Variants in SEMA6D observed in about 807,000 individuals in gnomAD.
The protein encoded by SEMA6D is semaphorin 6D.
SEMA6D carries 35 observed loss-of-function variants against 106.6 expected under a neutral mutation model. The observed-to-expected ratio is 0.33, with a 90% CI of 0.25 to 0.44. SEMA6D has a LOEUF of 0.44. Among genes scored for constraint, SEMA6D ranks in the 20% least tolerant of loss-of-function variants. The probability of loss-of-function intolerance (pLI) is 1.00; values close to 1 mark genes in which losing one functional copy is unlikely to be tolerated. For synonymous variants in SEMA6D, 499 were observed against 487.7 expected (o/e 1.02, Z -0.31); for missense variants, 1,185 against 1,345.9 (o/e 0.88, Z 1.87).
intron 1 of SEMA6D, among the ~76,000 whole-genome samples, chr15:47,271,496 T>C (rs2034562057): frequency 6.6e-6 from 1 of 152,140 alleles, no homozygotes; most frequent in Non-Finnish European, 1.5e-5. Context: ...AGTTCAACAT[T>C]ATCAGTCCAC....
chr15:47,269,535 T>G (rs1200175019), intron 1 of SEMA6D, among the ~76,000 whole-genome samples: 1 of 152,160 alleles, frequency 6.6e-6, no homozygotes, highest in Non-Finnish European at 1.5e-5. Flanking sequence ...GAGGCTATTT[T>G]TACTTTTATC....
chr15:47,545,060 A>G (rs1797227), intron 3 of SEMA6D, among the ~76,000 whole-genome samples: 75,392 of 151,874 alleles, frequency 0.5, 19,602 homozygotes, highest in East Asian at 0.72. Flanking sequence ...GCAAGATGGC[A>G]TGGGATGAGG....
intron 2 of SEMA6D, among the ~76,000 whole-genome samples, chr15:47,428,456 A>AT (rs2041420422): frequency 2.9e-5 from 1 of 34,102 alleles, no homozygotes. Flanking sequence ...ATTTAGGCGC[A>AT]GATCTACCCT....
At position 47,415,503 on chromosome 15, in the gene SEMA6D, C is replaced by T. The variant is rs148003316; in HGVS notation, c.-159+3031C>T. Reference sequence around the variant, plus strand: ...AACCCTGTGTATCTTCCTGCCCCTTCTCCTCCTCTCTACCCGCTCCCGTCT... The same window carrying T: ...AACCCTGTGTATCTTCCTGCCCCTTTTCCTCCTCTCTACCCGCTCCCGTCT... On this transcript the variant is annotated intron_variant, in intron 2 of 19. Transcript: ENST00000558014. Among the ~76,000 whole-genome samples the T allele has an allele frequency of 2.4e-4, 36 of 152,268 alleles. 1 individual carries two copies. In the East Asian group the frequency reaches 6.8e-3, roughly 29 times the overall value.
chr15:47,595,729 T>G (rs933663767), intron 3 of SEMA6D, among the ~76,000 whole-genome samples: 4 of 152,192 alleles, frequency 2.6e-5, no homozygotes, highest in Admixed American at 6.5e-5. Context: ...GAGAAAATTT[T>G]ATTGTTGATT....
rs568079162 is a variant in SEMA6D, at chr15:47,394,831, C to T, written c.-238-17562C>T. On this transcript the variant is annotated intron_variant, in intron 1 of 19. Transcript: ENST00000558014. ...GTGCAAATTACCATAAACAGCAGTCCTCTTTGACGATTTACATAATTAAAT... is the reference window on the plus strand; with the variant it reads ...GTGCAAATTACCATAAACAGCAGTCTTCTTTGACGATTTACATAATTAAAT... Among the ~76,000 whole-genome samples, 49 of 152,228 alleles carry T rather than the reference C, an allele frequency of 3.2e-4. 1 individual carries two copies. In the South Asian group the frequency reaches 9.3e-3, roughly 29 times the overall value.
chr15:47,286,411 G>A (rs1452370830), intron 1 of SEMA6D, among the ~76,000 whole-genome samples: 3 of 152,074 alleles, frequency 2.0e-5, no homozygotes, highest in African/African-American at 7.2e-5. Context: ...TATAAAATAT[G>A]TATTGATTCA....
intron 1 of SEMA6D, among the ~76,000 whole-genome samples, chr15:47,757,871 T>C (rs184496060): frequency 3.1e-4 from 47 of 152,314 alleles, no homozygotes; most frequent in Non-Finnish European, 4.7e-4. Flanking sequence ...CAGAATTTCC[T>C]ATGTGCCAGG....
chr15:47,449,433 C>A (rs955607359), intron 2 of SEMA6D, among the ~76,000 whole-genome samples: 2 of 152,002 alleles, frequency 1.3e-5, no homozygotes, highest in African/African-American at 2.4e-5. Context: ...TAGGAACTTG[C>A]TGCATTTGGC....
chr15:47,563,608 A>G (rs940399009), intron 3 of SEMA6D, among the ~76,000 whole-genome samples: 27 of 152,082 alleles, frequency 1.8e-4, no homozygotes, highest in African/African-American at 6.0e-4. Context: ...TTCTTCTTAC[A>G]TTACTCATTC....
At chr15:47,756,383 C>T (rs2081741139) in intron 1 of SEMA6D, among the ~76,000 whole-genome samples, 2 of 151,846 alleles carry the variant, frequency 1.3e-5, no homozygotes, top group Non-Finnish European at 1.5e-5. Context: ...CCAGAATAGA[C>T]ATGATGATAT....
At chr15:47,216,183 A>G (rs1211842611) in intron 1 of SEMA6D, among the ~76,000 whole-genome samples, 2 of 152,152 alleles carry the variant, frequency 1.3e-5, no homozygotes, top group Non-Finnish European at 2.9e-5. Flanking sequence ...AAATCTGCAT[A>G]AAATTATAAA....
chr15:47,637,120 A>G (rs73392807), intron 4 of SEMA6D, among the ~76,000 whole-genome samples: 5,230 of 152,284 alleles, frequency 0.034, 295 homozygotes, highest in African/African-American at 0.12. Context: ...GAATTTTTGT[A>G]CATCTTCTCA....
chr15:47,689,622 A>G (rs893282228), intron 4 of SEMA6D, among the ~76,000 whole-genome samples: 11 of 152,308 alleles, frequency 7.2e-5, no homozygotes, highest in African/African-American at 1.9e-4. Flanking sequence ...CAGAGCCTTT[A>G]ACAAAGAGCC....
At chr15:47,437,717 T>C (rs921657404) in intron 2 of SEMA6D, among the ~76,000 whole-genome samples, 2 of 152,132 alleles carry the variant, frequency 1.3e-5, no homozygotes, top group Admixed American at 1.3e-4. Flanking sequence ...TTGATTTGTC[T>C]GAGTCATAGC....
At chr15:47,501,861 T>G (rs532165462) in intron 3 of SEMA6D, among the ~76,000 whole-genome samples, 5 of 113,834 alleles carry the variant, frequency 4.4e-5, no homozygotes, top group African/African-American at 2.0e-4. Flanking sequence ...TTTTTGGTTT[T>G]GTTTTGTTTT....
intron 3 of SEMA6D, among the ~76,000 whole-genome samples, chr15:47,542,546 C>A (rs2045388191): frequency 6.6e-6 from 1 of 152,118 alleles, no homozygotes; most frequent in Non-Finnish European, 1.5e-5. Flanking sequence ...GAGCAAGAGA[C>A]CTGTTTTGGC....
chr15:47,609,736 A>G (rs998842744), intron 4 of SEMA6D, among the ~76,000 whole-genome samples: 7 of 152,218 alleles, frequency 4.6e-5, no homozygotes, highest in South Asian at 2.1e-4. Flanking sequence ...CAGGAAGTCC[A>G]TAACTGTAAA....
intron 4 of SEMA6D, among the ~76,000 whole-genome samples, chr15:47,669,064 C>G (rs1400032025): frequency 1.3e-5 from 2 of 152,060 alleles, no homozygotes; most frequent in Non-Finnish European, 2.9e-5. Flanking sequence ...ATTTTTCTAT[C>G]TCTCTTTTTT....
Sources: allele counts gnomAD v4.1 joint callset (sites outside exome capture counted in the v4.1 genomes callset), GRCh38; gene constraint gnomAD v4.1.1; transcripts MANE v1.5; gene names NCBI Gene and HGNC (gene_info 2026-07-23, HGNC 2026-07-21).